The following GARNL3 variants were observed in gnomAD, a reference collection of about 807,000 sequenced individuals.
The protein encoded by GARNL3 is GTPase-activating Rap/Ran-GAP domain-like protein 3.
GARNL3 carries 63 observed loss-of-function variants against 125.0 expected under a neutral mutation model. The observed-to-expected ratio is 0.50, with a 90% CI of 0.41 to 0.62. The LOEUF (loss-of-function observed/expected upper bound fraction) is 0.62. Ranked by LOEUF, GARNL3 falls within the 20% of genes least tolerant of loss-of-function variation. The probability of loss-of-function intolerance (pLI) is 0.00; values close to 1 mark genes in which losing one functional copy is unlikely to be tolerated. For synonymous variants in GARNL3, 439 were observed against 457.5 expected (o/e 0.96, Z 0.52); for missense variants, 994 against 1,244.0 (o/e 0.80, Z 3.02).
rs769891379 is a variant in GARNL3, at chr9:127,383,458, G to T, written c.2182G>T (p.Val728Phe). ...TGCAGACAGTTGCATCTATAAAAAG[G>T]TTTGCCCCTTTAATGGTGGCTCTTT... is the stretch of plus-strand genomic sequence containing the variant. ...CYNYSCIYKK[V>F]CPFNGGSFLV... The change falls in exon 23 of 28, where the codon GTT becomes TTT. Residue 728 changes from valine (V) to phenylalanine (F), a missense_variant. Physicochemically the swap from Val to Phe is conservative, Grantham distance 50. This residue lies in a region of GARNL3 where 728 missense variants were observed against 865.7 expected (regional missense o/e 0.84). Transcript: ENST00000373387. The T allele has an allele frequency of 3.1e-6, 5 of 1,612,244 alleles. No individual in the cohort carries two copies. Among genetic ancestry groups the T allele is most frequent in the African/African-American group, 1.3e-5 (1 of 74,834 alleles).
intron 2 of GARNL3, among the ~76,000 whole-genome samples, chr9:127,305,542 T>C (rs1331733330): frequency 2.6e-5 from 4 of 151,988 alleles, no homozygotes; most frequent in Non-Finnish European, 5.9e-5. Flanking sequence ...GAAAGTGAAA[T>C]AGGTAACTTT....
intron 1 of GARNL3, among the ~76,000 whole-genome samples, chr9:127,289,624 T>TC (rs1378164813): frequency 6.6e-6 from 1 of 152,226 alleles, no homozygotes; most frequent in Non-Finnish European, 1.5e-5. Context: ...ACCTGAGCCT[T>TC]CACCCCTCAG....
intron 2 of GARNL3, among the ~76,000 whole-genome samples, chr9:127,310,572 C>T (rs1401943078): frequency 6.6e-6 from 1 of 151,910 alleles, no homozygotes; most frequent in African/African-American, 2.4e-5. Context: ...GCCAGGAGTT[C>T]GAGACCAGCC....
chr9:127,274,531 C>G (rs1453795954), intron 1 of GARNL3, among the ~76,000 whole-genome samples: 1 of 152,154 alleles, frequency 6.6e-6, no homozygotes, highest in Non-Finnish European at 1.5e-5. Context: ...CCACAGGAGT[C>G]TCCCATTCCT....
intron 6 of GARNL3, among the ~76,000 whole-genome samples, chr9:127,324,115 A>T (rs1458312014): frequency 6.6e-6 from 1 of 151,952 alleles, no homozygotes; most frequent in Non-Finnish European, 1.5e-5. Flanking sequence ...GCTGGGTATG[A>T]TGGTACACAC....
chr9:127,292,353 C>G (rs2064447759), intron 2 of GARNL3, among the ~76,000 whole-genome samples: 1 of 152,138 alleles, frequency 6.6e-6, no homozygotes, highest in African/African-American at 2.4e-5. Flanking sequence ...TAGAAACATC[C>G]CTCTCCAAAT....
intron 1 of GARNL3, among the ~76,000 whole-genome samples, chr9:127,278,171 A>G (rs2064006724): frequency 6.6e-6 from 1 of 152,264 alleles, no homozygotes; most frequent in African/African-American, 2.4e-5. Context: ...TTTGAAATAT[A>G]CTGAAAAGCA....
chr9:127,229,791 C>T (rs2062971201), intron 1 of GARNL3, among the ~76,000 whole-genome samples: 1 of 152,238 alleles, frequency 6.6e-6, no homozygotes, highest in Admixed American at 6.5e-5. Flanking sequence ...CCACCATACC[C>T]AGCAGTTTAA....
At chr9:127,277,811 C>T (rs891788007) in intron 1 of GARNL3, among the ~76,000 whole-genome samples, 1 of 152,114 alleles carries the variant, frequency 6.6e-6, no homozygotes, top group African/African-American at 2.4e-5. Context: ...TACCTGATTC[C>T]CCTATGGGAA....
At chr9:127,245,520 G>A (rs1443154574) in intron 2 of GARNL3, 1 of 152,284 alleles carries the variant, frequency 6.6e-6, no homozygotes, top group Non-Finnish European at 1.5e-5. Flanking sequence ...GTAGAAATGG[G>A]TGGAGTCAGG....
chr9:127,321,930 C>T (rs569008135), intron 6 of GARNL3, among the ~76,000 whole-genome samples: 6 of 152,270 alleles, frequency 3.9e-5, no homozygotes, highest in South Asian at 2.1e-4. Context: ...CTTTAAAATA[C>T]GGTTAGCTTT....
chr9:127,369,898 G>A (rs1335198022), intron 22 of GARNL3, among the ~76,000 whole-genome samples: 1 of 152,132 alleles, frequency 6.6e-6, no homozygotes, highest in Non-Finnish European at 1.5e-5. Context: ...GAGAATTGCT[G>A]GAGCAAGTCC....
chr9:127,230,983 C>CAT (rs1419373090), intron 1 of GARNL3, among the ~76,000 whole-genome samples: 18 of 138,378 alleles, frequency 1.3e-4, no homozygotes, highest in Non-Finnish European at 2.3e-4. Context: ...TGTGTGTATA[C>CAT]ACATATATGT....
intron 1 of GARNL3, among the ~76,000 whole-genome samples, chr9:127,231,048 ATATTTTTT>A (rs1425325550): frequency 2.3e-5 from 1 of 43,682 alleles, no homozygotes; most frequent in East Asian, 4.6e-4. Context: ...ATATATATAT[ATATTTTTT>A]TTTTTTTTTT....
At chr9:127,339,577 G>T in intron 12 of GARNL3, 68 bp from the exon 13 acceptor site, 2 of 1,122,260 alleles carry the variant, frequency 1.8e-6, no homozygotes, top group South Asian at 2.5e-5. Context: ...TTCAAGTGGC[G>T]ATTTGGGTGG....
At chr9:127,250,493 G>A (rs1047843445) in intron 2 of GARNL3, among the ~76,000 whole-genome samples, 5 of 152,228 alleles carry the variant, frequency 3.3e-5, no homozygotes, top group African/African-American at 4.8e-5. Context: ...TGCTAACAGA[G>A]ACAGGAATGC....
rs1159488862 is a variant in GARNL3, at chr9:127,385,232, T to C, written c.2388+87T>C. 1.4e-6 allele frequency: 1 copy of C among 727,398 alleles called. No individual in the cohort carries two copies. Among genetic ancestry groups the C allele is most frequent in the Non-Finnish European group, 2.3e-6 (1 of 441,928 alleles). The allele number at this position is 727,398 out of a possible 1,614,324, so 45.1% of individuals were successfully genotyped here. A position where few individuals can be genotyped will look rare whatever the true frequency, so the allele number is the denominator to read the frequency against. On this transcript the variant is annotated intron_variant, in intron 24 of 27. Transcript: ENST00000373387. The surrounding 1 kb of genome is among the most constrained non-coding windows in gnomAD (Gnocchi z 4.1). ...AGGTGAGCACAGAAGCCGCCTCTTG[T>C]CAAGTTAGGCTGATGAAGACCGGTG...
At chr9:127,359,489 C>CA (rs138594521) in intron 21 of GARNL3, among the ~76,000 whole-genome samples, 2,139 of 144,878 alleles carry the variant, frequency 0.015, 28 homozygotes, top group African/African-American at 0.033. Context: ...ACTCCGTCTC[C>CA]AAAAAAAAAA....
chr9:127,284,989 G>A (rs1034420419), intron 1 of GARNL3, among the ~76,000 whole-genome samples: 1 of 152,040 alleles, frequency 6.6e-6, no homozygotes, highest in African/African-American at 2.4e-5. Context: ...GGGACAATAG[G>A]CACAATAGGC....
Sources: gnomAD v4.1 joint callset for allele counts (sites outside exome capture counted in the v4.1 genomes callset) on GRCh38, gnomAD v4.1.1 for gene constraint, gnomAD v4.1.1 regional missense constraint, Gnocchi (gnomAD v3.1) non-coding constraint, MANE v1.5 for transcripts, NCBI Gene and HGNC (gene_info 2026-07-23, HGNC 2026-07-21) for gene names.